The following ZNF595 variants were observed in gnomAD, a reference collection of about 807,000 sequenced individuals.
ZNF595 encodes zinc finger protein 595.
A neutral mutation model predicts 19.4 loss-of-function variants in ZNF595; 9 were observed. The ratio of observed to expected loss-of-function variants is 0.46; its 90% CI spans 0.28 to 0.81. The LOEUF (loss-of-function observed/expected upper bound fraction) is 0.81. Among genes scored for constraint, ZNF595 ranks in the 30% least tolerant of loss-of-function variants. ZNF595 has a pLI of 0.11. For missense variants in ZNF595, 729 were observed against 736.0 expected (o/e 0.99, Z 0.11); for synonymous variants, 255 against 255.9 (o/e 1.00, Z 0.03).
chr4:80,897 G>T (rs572839078), intron 3 of ZNF595, among the ~76,000 whole-genome samples: 111 of 151,942 alleles, frequency 7.3e-4, no homozygotes, highest in African/African-American at 2.6e-3. Flanking sequence ...ATGCGCCATG[G>T]TGGTTTGCTG....
chr4:77,124 ACT>A (rs1713699488), intron 3 of ZNF595, among the ~76,000 whole-genome samples: 1 of 147,816 alleles, frequency 6.8e-6, no homozygotes, highest in Non-Finnish European at 1.5e-5. Flanking sequence ...TGCTTTATTC[ACT>A]CTTTCATTCT....
chr4:74,875 C>T (rs1466333754), intron 3 of ZNF595, among the ~76,000 whole-genome samples: 2 of 152,154 alleles, frequency 1.3e-5, no homozygotes, highest in African/African-American at 4.8e-5. Context: ...TGACTTTTCC[C>T]TTTAGCTTAG....
intron 3 of ZNF595, among the ~76,000 whole-genome samples, chr4:82,892 T>C (rs1553800301): frequency 6.6e-6 from 1 of 152,232 alleles, no homozygotes; most frequent in African/African-American, 2.4e-5. Context: ...ATAATTGTTT[T>C]ATACTGCTTT....
At chr4:64,407 A>G (rs1387465024) in intron 3 of ZNF595, among the ~76,000 whole-genome samples, 1 of 152,290 alleles carries the variant, frequency 6.6e-6, no homozygotes, top group Non-Finnish European at 1.5e-5. Flanking sequence ...CTTTCCAAAA[A>G]AGAGAGAAAG....
chr4:78,454 A>C (rs576386028), intron 3 of ZNF595, among the ~76,000 whole-genome samples: 56 of 152,220 alleles, frequency 3.7e-4, no homozygotes, highest in Non-Finnish European at 6.2e-4. Flanking sequence ...ATTGCCTATA[A>C]AAGTTATCTG....
rs1484306135 is a variant in ZNF595, at chr4:88,169, T to A, written c.*718T>A. ...CATATTTATCTTTGAACATGTAGCA[T>A]CTCTTTCCGCAAATAAATGCAGACT... On this transcript the variant is annotated 3_prime_UTR_variant, in exon 4 of 4. Coordinates refer to ENST00000610261, the MANE Select transcript of ZNF595 (RefSeq NM_182524.4). The A allele has an allele frequency of 6.6e-6, 1 of 152,170 alleles. No homozygotes were observed. Among genetic ancestry groups the A allele is most frequent in the Non-Finnish European group, 1.5e-5 (1 of 68,042 alleles). The allele number at this position is 152,170 out of a possible 1,614,324, so 9.4% of individuals were successfully genotyped here. A position where few individuals can be genotyped will look rare whatever the true frequency, so the allele number is the denominator to read the frequency against.
intron 3 of ZNF595, among the ~76,000 whole-genome samples, chr4:74,857 T>G (rs550153299): frequency 6.6e-6 from 1 of 152,228 alleles, no homozygotes; most frequent in South Asian, 2.1e-4. Flanking sequence ...ACTAAGCAAT[T>G]CCCAGCTTGA....
rs570747076 is a variant in ZNF595 at position 87,070 on chromosome 4, C to A, written c.1566C>A (p.Gly522=). The change falls in exon 4 of 4, where the codon GGC becomes GGA. Residue 522 remains glycine, a synonymous_variant. Transcript: ENST00000610261. ...ECGKAFNQSS[G]LIIHRSIHSE... ...GCAAAGCTTTTAACCAATCCTCAGG[C>A]CTTATTATACACAGGAGCATTCATT... 1.9e-6 allele frequency: 3 copies of A among 1,611,212 alleles called. No individual in the cohort carries two copies. In the African/African-American group the frequency reaches 4.1e-5, roughly 22 times the overall value.
intron 3 of ZNF595, among the ~76,000 whole-genome samples, chr4:71,245 A>C (rs1346192701): frequency 6.6e-6 from 1 of 152,192 alleles, no homozygotes; most frequent in Non-Finnish European, 1.5e-5. Flanking sequence ...GTTTTTTTCA[A>C]ATATAAAACT....
At chr4:78,297 C>T (rs889328880) in intron 3 of ZNF595, among the ~76,000 whole-genome samples, 6 of 152,292 alleles carry the variant, frequency 3.9e-5, no homozygotes, top group South Asian at 2.1e-4. Flanking sequence ...CGTGAGCCAC[C>T]GCGCCCGACC....
intron 1 of ZNF595, among the ~76,000 whole-genome samples, chr4:54,089 G>C (rs1222340155): frequency 1.2e-4 from 3 of 24,488 alleles, no homozygotes; most frequent in African/African-American, 4.3e-4. Flanking sequence ...TGCGCACGGC[G>C]CTTCTCAGTT....
chr4:82,423 G>C (rs531360654), intron 3 of ZNF595, among the ~76,000 whole-genome samples: 1 of 92,058 alleles, frequency 1.1e-5, no homozygotes, highest in East Asian at 3.7e-4. Context: ...CACTCTTGTT[G>C]CCCAAGCTGG....
intron 3 of ZNF595, among the ~76,000 whole-genome samples, chr4:61,317 C>A (rs1230650531): frequency 6.6e-6 from 1 of 152,298 alleles, no homozygotes; most frequent in African/African-American, 2.4e-5. Flanking sequence ...ATTACAGGTG[C>A]CCGCCACGGG....
At chr4:83,574 C>A (rs1425836771) in intron 3 of ZNF595, among the ~76,000 whole-genome samples, 8 of 135,944 alleles carry the variant, frequency 5.9e-5, no homozygotes, top group Admixed American at 8.4e-5. Context: ...GAGCCGAGAT[C>A]ACGCCACTGC....
At position 87,496 on chromosome 4, in the gene ZNF595, A is replaced by G. The variant is rs1714281478; in HGVS notation, c.*45A>G. On this transcript the variant is annotated 3_prime_UTR_variant, in exon 4 of 4. Transcript: ENST00000610261. ...CTAATTCCAGTGTCTTTACACAGCA[A>G]ATAAATTGGAGAATATTGCTCCCAT... 1 of 1,441,786 alleles carries G rather than the reference A, an allele frequency of 6.9e-7. No homozygotes were observed. The highest frequency in any genetic ancestry group is 9.2e-7 in the Non-Finnish European group (1 of 1,090,058). The allele number at this position is 1,441,786 out of a possible 1,614,324, so 89.3% of individuals were successfully genotyped here.
intron 3 of ZNF595, among the ~76,000 whole-genome samples, chr4:80,025 G>A (rs1247202084): frequency 1.3e-5 from 2 of 152,056 alleles, no homozygotes; most frequent in African/African-American, 4.8e-5. Context: ...AATTGAATAT[G>A]TCTTTTTTTT....
intron 3 of ZNF595, among the ~76,000 whole-genome samples, chr4:85,196 T>A (rs1714081204): frequency 6.6e-6 from 1 of 152,208 alleles, no homozygotes; most frequent in African/African-American, 2.4e-5. Context: ...CTCTTCTACC[T>A]ATTCCCTGTA....
chr4:66,736 A>G (rs2108687706), intron 3 of ZNF595, among the ~76,000 whole-genome samples: 1 of 152,380 alleles, frequency 6.6e-6, no homozygotes, highest in Non-Finnish European at 1.5e-5. Flanking sequence ...ACCTTGTTGA[A>G]GATCATTTGA....
chr4:85,133 T>C (rs1714078663), intron 3 of ZNF595, among the ~76,000 whole-genome samples: 1 of 152,190 alleles, frequency 6.6e-6, no homozygotes. Flanking sequence ...AATTTTGTGT[T>C]TGTTTTTCAG....
Sources: gnomAD v4.1 joint callset for allele counts (sites outside exome capture counted in the v4.1 genomes callset) on GRCh38, gnomAD v4.1.1 for gene constraint, MANE v1.5 for transcripts, NCBI Gene and HGNC (gene_info 2026-07-23, HGNC 2026-07-21) for gene names.